Variants in AFF1 observed in about 807,000 individuals in gnomAD.
AFF1 encodes ALF transcription elongation factor 1.
A neutral mutation model predicts 121.7 loss-of-function variants in AFF1; 48 were observed. The observed-to-expected ratio is 0.39, with a 90% CI of 0.31 to 0.50. AFF1 has a LOEUF of 0.50. Among genes scored for constraint, AFF1 ranks in the 20% least tolerant of loss-of-function variants. The pLI is 0.76. For missense variants in AFF1, 1,523 were observed against 1,511.7 expected (o/e 1.01, Z -0.12); for synonymous variants, 613 against 563.0 (o/e 1.09, Z -1.26).
chr4:86,958,691 C>G (rs1721932536), intron 2 of AFF1, among the ~76,000 whole-genome samples: 1 of 151,950 alleles, frequency 6.6e-6, no homozygotes, highest in African/African-American at 2.4e-5. Flanking sequence ...GCACTCCAGC[C>G]TGGGAGACAG....
At chr4:87,021,232 T>C (rs968471185) in intron 2 of AFF1, among the ~76,000 whole-genome samples, 2 of 152,192 alleles carry the variant, frequency 1.3e-5, no homozygotes, top group Non-Finnish European at 2.9e-5. Context: ...CTCATCCTGT[T>C]TTTCAGAAGT....
chr4:87,102,227 G>T (rs895675857), intron 8 of AFF1, among the ~76,000 whole-genome samples: 1 of 152,166 alleles, frequency 6.6e-6, no homozygotes, highest in African/African-American at 2.4e-5. Flanking sequence ...TAGGTAATAC[G>T]GTTGTATATG....
chr4:87,010,521 CT>C (rs1244687385), intron 2 of AFF1, among the ~76,000 whole-genome samples: 1 of 152,142 alleles, frequency 6.6e-6, no homozygotes, highest in Non-Finnish European at 1.5e-5. Context: ...CAGAACATGG[CT>C]TTAGTTACTG....
At chr4:87,014,280 A>ATC (rs753832118) in intron 2 of AFF1, among the ~76,000 whole-genome samples, 2 of 152,146 alleles carry the variant, frequency 1.3e-5, no homozygotes, top group Admixed American at 6.6e-5. Flanking sequence ...ACTGCTAAGT[A>ATC]TCTCTCTCTC....
intron 2 of AFF1, among the ~76,000 whole-genome samples, chr4:87,010,173 G>A (rs1726590298): frequency 1.3e-5 from 2 of 152,154 alleles, no homozygotes; most frequent in African/African-American, 4.8e-5. Flanking sequence ...TATAAATTAA[G>A]GCTGTGTTAA....
chr4:87,047,851 A>G, intron 4 of AFF1: 1 of 569,446 alleles, frequency 1.8e-6, no homozygotes, highest in Non-Finnish European at 3.2e-6. Flanking sequence ...TATACAGTAA[A>G]ACATAGAGAT....
intron 2 of AFF1, among the ~76,000 whole-genome samples, chr4:86,963,971 T>A (rs367995040): frequency 6.7e-6 from 1 of 149,642 alleles, no homozygotes; most frequent in Non-Finnish European, 1.5e-5. Flanking sequence ...TGGTTTTTTT[T>A]TTTTTTTTTT....
At chr4:86,974,200 T>G (rs1200677290) in intron 2 of AFF1, 1 of 152,264 alleles carries the variant, frequency 6.6e-6, no homozygotes, top group Admixed American at 6.5e-5. Context: ...CAGGCTGGAG[T>G]GCAGTGGTGT....
intron 11 of AFF1, among the ~76,000 whole-genome samples, chr4:87,111,437 T>C (rs1259022197): frequency 1.3e-5 from 2 of 151,684 alleles, no homozygotes; most frequent in African/African-American, 4.9e-5. Flanking sequence ...CACTGCAACC[T>C]CTGCCTCCCG....
At chr4:87,007,558 G>A in intron 2 of AFF1, 2 of 1,218,306 alleles carry the variant, frequency 1.6e-6, no homozygotes, top group Non-Finnish European at 2.4e-6. Context: ...CATTCCCGAG[G>A]CTGTGGCTTG....
chr4:86,998,543 A>G (rs1053326647), intron 2 of AFF1, among the ~76,000 whole-genome samples: 1 of 152,184 alleles, frequency 6.6e-6, no homozygotes, highest in Non-Finnish European at 1.5e-5. Context: ...GCATTTTGCT[A>G]CAGAGGCCCC....
chr4:87,121,026 CA>C (rs1560649369), intron 12 of AFF1, among the ~76,000 whole-genome samples: 9 of 151,752 alleles, frequency 5.9e-5, no homozygotes, highest in African/African-American at 2.2e-4. Context: ...CAGCATCTGG[CA>C]GAGATGATCA....
intron 15 of AFF1, 55 bp downstream of exon 15, chr4:87,127,172 CCCCA>C: frequency 4.6e-6 from 6 of 1,297,014 alleles, no homozygotes; most frequent in Non-Finnish European, 6.5e-6. Context: ...TGCTTCCCCC[CCCCA>C]CCAAGATAGA....
intron 2 of AFF1, among the ~76,000 whole-genome samples, chr4:87,012,565 GGGAGCTGAAGTA>G (rs1230585523): frequency 2.6e-5 from 4 of 152,088 alleles, no homozygotes; most frequent in African/African-American, 9.7e-5. Context: ...TAAAAACTGG[GGGAGCTGAAGTA>G]GTATTTTCTG....
At chr4:86,938,398 C>G (rs1354559242) in intron 1 of AFF1, among the ~76,000 whole-genome samples, 1 of 146,268 alleles carries the variant, frequency 6.8e-6, no homozygotes, top group African/African-American at 2.5e-5. Context: ...TGCAGTGAGC[C>G]GAGATTGCAC....
At chr4:86,951,863 C>T (rs1198078461) in intron 2 of AFF1, among the ~76,000 whole-genome samples, 1 of 151,516 alleles carries the variant, frequency 6.6e-6, no homozygotes, top group African/African-American at 2.4e-5. Flanking sequence ...ATCTGCCCGC[C>T]TTGGCCTCCC....
chr4:87,007,292 C>A, intron 2 of AFF1: 2 of 1,567,718 alleles, frequency 1.3e-6, no homozygotes, highest in Non-Finnish European at 1.7e-6. Flanking sequence ...ATCGGGGCGC[C>A]GCGCCGGGAC....
At chr4:86,995,165 C>CGAG (rs2149510860) in intron 2 of AFF1, among the ~76,000 whole-genome samples, 1 of 152,164 alleles carries the variant, frequency 6.6e-6, no homozygotes, top group East Asian at 1.9e-4. Flanking sequence ...CCCTGGAGAC[C>CGAG]GAGGCTGCAG....
In AFF1 at chr4:86,960,523, C is replaced by T. The variant is rs1392672031; in HGVS notation, c.38+11952C>T. On this transcript the variant is annotated intron_variant, in intron 2 of 20. Coordinates refer to ENST00000395146, the MANE Select transcript of AFF1 (RefSeq NM_001166693.3). Reference sequence around the variant, plus strand: ...GCTCTTTGTAAAAGAAGTCCAAAGGCAGTGGTTTTAGAGTTTAAAGATAGT... The same window carrying T: ...GCTCTTTGTAAAAGAAGTCCAAAGGTAGTGGTTTTAGAGTTTAAAGATAGT... Among the ~76,000 whole-genome samples, 3 of 152,242 alleles carry T rather than the reference C, an allele frequency of 2.0e-5. No homozygotes were observed. In the East Asian group the frequency reaches 5.8e-4, roughly 29 times the overall value.
Sources: allele counts gnomAD v4.1 joint callset (sites outside exome capture counted in the v4.1 genomes callset), GRCh38; gene constraint gnomAD v4.1.1; transcripts MANE v1.5; gene names NCBI Gene and HGNC (gene_info 2026-07-23, HGNC 2026-07-21).